The following KRT2 variants were observed in gnomAD, a reference collection of about 807,000 sequenced individuals.
The protein encoded by KRT2 is keratin 2.
Under a neutral mutation model 48.5 loss-of-function variants are expected in KRT2, and 37 were observed. The ratio of observed to expected loss-of-function variants is 0.76; its 90% CI spans 0.59 to 1.00. The LOEUF is 1.00. KRT2 is among the 50% of genes least tolerant of loss of function. The pLI, the probability that KRT2 is intolerant of heterozygous loss-of-function variation, is 0.00. For synonymous variants in KRT2, 324 were observed against 312.2 expected, an observed-to-expected ratio of 1.04 and a Z score of -0.40; for missense variants, 880 against 815.2, an observed-to-expected ratio of 1.08 and a Z score of -0.97.
chr12:52,650,733 A>G (rs550577651), intron 1 of KRT2, 180 bp from the exon 2 acceptor site: 1 of 673,132 alleles, frequency 1.5e-6, no homozygotes, highest in African/African-American at 1.8e-5. Context: ...AAAGTCCCAC[A>G]GACTCCTAAT....
At chr12:52,648,872 T>A in intron 4 of KRT2, 135 bp downstream of exon 4, 1 of 704,076 alleles carries the variant, frequency 1.4e-6, no homozygotes, top group Non-Finnish European at 2.7e-6. Context: ...GCCCCCCCAG[T>A]GGCCTGGAAT....
In KRT2 at chr12:52,650,377, C is replaced by T; in HGVS notation, c.762G>A (p.Leu254=). 2 of 1,614,226 alleles carry T rather than the reference C, an allele frequency of 1.2e-6. No homozygotes were observed. Among genetic ancestry groups the T allele is most frequent in the Non-Finnish European group, 1.7e-6 (2 of 1,180,034 alleles). Residue 254 remains leucine, a synonymous_variant, in exon 2 of 9, where the codon CTG becomes CTA. Coordinates refer to ENST00000309680, the MANE Select transcript of KRT2 (RefSeq NM_000423.3). ...CCTCCACAAGATCCTGCATGTTATT[C>T]AGCTCTGAATTCTGTGATGTTCTTT... ...TAERTSQNSE[L]NNMQDLVEDY... is the part of the protein sequence containing the mutation.
intron 7 of KRT2, among the ~76,000 whole-genome samples, chr12:52,645,889 G>C (rs561056303): frequency 6.6e-6 from 1 of 152,320 alleles, no homozygotes; most frequent in South Asian, 2.1e-4. Flanking sequence ...CCATCTTGGA[G>C]AGTCTGTTAT....
Position 52,650,468 on chromosome 12 carries a change from T to A in KRT2, c.671A>T (p.Asn224Ile). Residue 224 changes from asparagine (N) to isoleucine (I), a missense_variant, in exon 2 of 9, where the codon AAC becomes ATC. Physicochemically the swap from Asn to Ile is moderately radical, Grantham distance 149. Coordinates refer to ENST00000309680, the MANE Select transcript of KRT2 (RefSeq NM_000423.3). Reference protein sequence around the residue: ...QQMNVGTRPINLEPIFQGYID... With the variant: ...QQMNVGTRPIILEPIFQGYID... ...ATACCCCTGGAAGATGGGCTCCAGG[T>A]TGATGGGGCGGGTGCCAACATTCAT... 1 of 1,614,024 alleles carries A rather than the reference T, an allele frequency of 6.2e-7. No homozygotes were observed. The highest frequency in any genetic ancestry group is 8.5e-7 in the Non-Finnish European group (1 of 1,180,006).
At chr12:52,649,436 C>G (rs1431232905) in intron 3 of KRT2, among the ~76,000 whole-genome samples, 1 of 152,166 alleles carries the variant, frequency 6.6e-6, no homozygotes, top group Non-Finnish European at 1.5e-5. Flanking sequence ...GTCCTCAGCT[C>G]TCTCATCCCG....
rs1459622656 is a variant in KRT2 at position 52,651,868 on chromosome 12, C to T, written c.275G>A (p.Arg92Lys). The T allele has an allele frequency of 3.1e-6, 5 of 1,607,610 alleles. No individual in the cohort carries two copies. The highest frequency in any genetic ancestry group is 4.3e-6 in the Non-Finnish European group (5 of 1,176,242). The change falls in exon 1 of 9, where the codon AGA becomes AAA. Residue 92 changes from arginine (R) to lysine (K), a missense_variant. Coordinates refer to ENST00000309680, the MANE Select transcript of KRT2 (RefSeq NM_000423.3). ...GFGAAGGFGG[R>K]GGGFGGGSSF... ...GCTGCCGCCTCCAAAACCACCTCCT[C>T]TGCCACCAAATCCACCAGCGGCGCC... is the stretch of plus-strand genomic sequence containing the variant.
chr12:52,646,729 A>G lies in KRT2; in HGVS notation c.1469+11T>C, dbSNP rs746673690. On this transcript the variant is annotated intron_variant, in intron 7 of 8. Transcript: ENST00000309680. ...GGCCAGGGTCCCCTTCTCCCTTCCC[A>G]GTGCCCTCACCTGCACTCCTCGCCC... 2 of 1,613,818 alleles carry G rather than the reference A, an allele frequency of 1.2e-6. No homozygotes were observed. The highest frequency in any genetic ancestry group is 2.2e-5 in the East Asian group (1 of 44,866).
In KRT2 at chr12:52,649,942, G is replaced by A. The variant is rs778701655; in HGVS notation, c.833C>T (p.Ala278Val). Residue 278 changes from alanine to valine, a missense_variant, in exon 3 of 9, where the codon GCT (alanine) becomes GTT (valine). Ala to Val is a moderately conservative substitution (Grantham distance 64). Transcript: ENST00000309680. ...YEDEINKRTA[A>V]ENDFVTLKKD... The stretch of plus-strand genomic sequence containing the variant: ...TTTAAGCGTCACAAAATCATTCTCA[G>A]CAGCTGTGCGCTTATTGATTTCATC... The A allele has an allele frequency of 7.4e-6, 12 of 1,613,628 alleles. No homozygotes were observed. Among genetic ancestry groups the A allele is most frequent in the Non-Finnish European group, 1.0e-5 (12 of 1,179,664 alleles).
chr12:52,646,928 G>A lies in KRT2; in HGVS notation c.1281C>T (p.Ala427=), dbSNP rs143712313. ...CKNVQDAIAD[A]EQRGEHALKD... ...TGAGGGCATGCTCCCCACGCTGCTC[G>A]GCATCTGCGATGGCATCTTGCACAT... Residue 427 remains alanine, a synonymous_variant, in exon 7 of 9, where the codon GCC becomes GCT. Transcript: ENST00000309680. 902 of 1,614,118 alleles carry A rather than the reference G, an allele frequency of 5.6e-4. 4 individuals are homozygous for A. The highest frequency in any genetic ancestry group is 3.8e-4 in the Admixed American group (23 of 60,018).
chr12:52,648,957 T>C lies in KRT2; in HGVS notation c.957+50A>G, dbSNP rs200778753. ...TTCACCAAGCAGAAAGGACTTTCATTTGGTGAGAAGGGTGGGAAGTAAGGG... is the reference window on the plus strand; with the variant it reads ...TTCACCAAGCAGAAAGGACTTTCATCTGGTGAGAAGGGTGGGAAGTAAGGG... On this transcript the variant is annotated intron_variant, in intron 4 of 8. Coordinates refer to ENST00000309680, the MANE Select transcript of KRT2 (RefSeq NM_000423.3). 21 of 1,167,788 alleles carry C rather than the reference T, an allele frequency of 1.8e-5. No homozygotes were observed. In the African/African-American group the frequency reaches 3.2e-4, roughly 18 times the overall value. The allele number at this position is 1,167,788 out of a possible 1,614,324, so 72.3% of individuals were successfully genotyped here. A position where few individuals can be genotyped will look rare whatever the true frequency, so the allele number is the denominator to read the frequency against.
rs757264759 is a variant in KRT2, at chr12:52,645,342, T to A, written c.1597A>T (p.Ser533Cys). The part of the protein sequence containing the change: ...GRGSSSGGGY[S>C]SGSSSYGSGG... ...GAGCCATAACTGCTGCTTCCAGAGC[T>A]GTATCCTCCTCCGGAACTGGACCCT... The change falls in exon 9 of 9, where the codon AGC (serine) becomes TGC (cysteine). Residue 533 changes from serine to cysteine, a missense_variant. Physicochemically the swap from Ser to Cys is moderately radical, Grantham distance 112. Transcript: ENST00000309680. 1 of 1,614,080 alleles carries A rather than the reference T, an allele frequency of 6.2e-7. No homozygotes were observed. Among genetic ancestry groups the A allele is most frequent in the South Asian group, 1.1e-5 (1 of 91,084 alleles).
At position 52,650,471 on chromosome 12, in the gene KRT2, A is replaced by G. The variant is rs1263740359; in HGVS notation, c.668T>C (p.Ile223Thr). The change falls in exon 2 of 9, where the codon ATC (isoleucine) becomes ACC (threonine). Residue 223 changes from isoleucine (I) to threonine (T), a missense_variant. Ile to Thr is a moderately conservative substitution (Grantham distance 89). Transcript: ENST00000309680. ...CCCCTGGAAGATGGGCTCCAGGTTG[A>G]TGGGGCGGGTGCCAACATTCATTTG... The part of the protein sequence containing the change: ...LQQMNVGTRP[I>T]NLEPIFQGYI... 18 of 1,614,016 alleles carry G rather than the reference A, an allele frequency of 1.1e-5. No individual in the cohort carries two copies. The highest frequency in any genetic ancestry group is 5.0e-5 in the Admixed American group (3 of 60,026).
rs1447549114 is a variant in KRT2, at chr12:52,646,769, G to A, written c.1440C>T (p.Tyr480=). 3.1e-6 allele frequency: 5 copies of A among 1,614,124 alleles called. No individual in the cohort carries two copies. In the Admixed American group the frequency reaches 5.0e-5, roughly 16 times the overall value. ...KLALDVEIAT[Y]RKLLEGEECR... ...ACTCCTCGCCCTCCAGCAGTTTGCG[G>A]TAGGTGGCGATCTCCACATCTAGGG... is the stretch of plus-strand genomic sequence containing the variant. The change falls in exon 7 of 9, where the codon TAC becomes TAT. Residue 480 remains tyrosine (Y), a synonymous_variant. Coordinates refer to ENST00000309680, the MANE Select transcript of KRT2 (RefSeq NM_000423.3).
rs1434315654 is a variant in KRT2 at position 52,648,334 on chromosome 12, T to G, written c.961A>C (p.Ile321Leu). 6.2e-7 allele frequency: 1 copy of G among 1,613,774 alleles called. No individual in the cohort carries two copies. Among genetic ancestry groups the G allele is most frequent in the African/African-American group, 1.3e-5 (1 of 74,878 alleles). The change falls in exon 5 of 9, where the codon ATA (isoleucine) becomes CTA (leucine). Residue 321 changes from isoleucine (I) to leucine (L), a missense_variant. Ile to Leu is a conservative substitution (Grantham distance 5). Coordinates refer to ENST00000309680, the MANE Select transcript of KRT2 (RefSeq NM_000423.3). Reference protein sequence around the residue: ...EFLKVLYDAEISQIHQSVTDT... With the variant: ...EFLKVLYDAELSQIHQSVTDT... ...GTGACACTCTGATGTATCTGGGATA[T>G]CTCCTACAACACACAGGAAGGTCTG...
At chr12:52,645,482 T>C (rs1283327703) in intron 8 of KRT2, 48 bp from the exon 9 acceptor site, 1 of 1,614,032 alleles carries the variant, frequency 6.2e-7, no homozygotes, top group Admixed American at 1.7e-5. Context: ...TGCCTCTCCC[T>C]GCCTCCACCT....
At chr12:52,645,673 G>A in intron 7 of KRT2, 104 bp from the exon 8 acceptor site, 1 of 1,167,464 alleles carries the variant, frequency 8.6e-7, no homozygotes, top group Non-Finnish European at 1.3e-6. Context: ...GCCTCTCTAA[G>A]CAGCCACCAG....
rs754762716 is a variant in KRT2 at position 52,651,946 on chromosome 12, A to G, written c.197T>C (p.Leu66Pro). The part of the protein sequence containing the change: ...GGFGSRSLVG[L>P]GGTKSISISV... ...AATGGAGATGCTCTTGGTCCCTCCA[A>G]GGCCAACAAGACTCCGACTGCCAAA... The change falls in exon 1 of 9, where the codon CTT (leucine) becomes CCT (proline). Residue 66 changes from leucine to proline, a missense_variant. Physicochemically the swap from Leu to Pro is moderately conservative, Grantham distance 98. Coordinates refer to ENST00000309680, the MANE Select transcript of KRT2 (RefSeq NM_000423.3). 25 of 1,613,828 alleles carry G rather than the reference A, an allele frequency of 1.5e-5. No homozygotes were observed. The highest frequency in any genetic ancestry group is 2.0e-5 in the Non-Finnish European group (24 of 1,179,844).
chr12:52,648,040 C>T lies in KRT2; in HGVS notation c.1122+133G>A, dbSNP rs1941194718. The T allele has an allele frequency of 3.1e-5, 38 of 1,241,944 alleles. 2 individuals are homozygous for T. The South Asian group carries it at 4.4e-4, about 14-fold the overall frequency. The allele number at this position is 1,241,944 out of a possible 1,614,324, so 76.9% of individuals were successfully genotyped here. On this transcript the variant is annotated intron_variant, in intron 5 of 8. Coordinates refer to ENST00000309680, the MANE Select transcript of KRT2 (RefSeq NM_000423.3). ...CAAAAGGACTTGGTGCCATTCTCAACATCCTTTCTTGGGAATGGTGCCCAA... is the reference window on the plus strand; with the variant it reads ...CAAAAGGACTTGGTGCCATTCTCAATATCCTTTCTTGGGAATGGTGCCCAA...
chr12:52,647,907 A>G (rs910693046), intron 5 of KRT2, 52 bp from the exon 6 acceptor site: 1 of 1,611,334 alleles, frequency 6.2e-7, no homozygotes, highest in African/African-American at 1.3e-5. Context: ...CCTGGCTCAC[A>G]TTCCAGACTG....
Sources: gnomAD v4.1 joint callset for allele counts (sites outside exome capture counted in the v4.1 genomes callset) on GRCh38, gnomAD v4.1.1 for gene constraint, MANE v1.5 for transcripts, NCBI Gene and HGNC (gene_info 2026-07-23, HGNC 2026-07-21) for gene names.